MYH14: variants seen among roughly 807,000 people sequenced by gnomAD.
MYH14 encodes myosin heavy chain 14.
Under a neutral mutation model 255.5 loss-of-function variants are expected in MYH14, and 123 were observed. The observed-to-expected ratio is 0.48, with a 90% CI of 0.42 to 0.56. The LOEUF (loss-of-function observed/expected upper bound fraction) is 0.56. MYH14 is among the 20% of genes least tolerant of loss of function. The probability of loss-of-function intolerance (pLI) is 0.00; values close to 1 mark genes in which losing one functional copy is unlikely to be tolerated. For synonymous variants in MYH14, 1,095 were observed against 1,161.2 expected (o/e 0.94, Z 1.16); for missense variants, 2,423 against 2,802.3 (o/e 0.86, Z 3.06).
At chr19:50,290,862 C>T (rs760135485) in intron 35 of MYH14, 25 bp from the exon 36 acceptor site, 21 of 1,546,898 alleles carry the variant, frequency 1.4e-5, no homozygotes, top group African/African-American at 5.5e-5. Flanking sequence ...GTGTCTGACC[C>T]GGTCCCTCCT....
chr19:50,234,894 C>A (rs2123250825), intron 10 of MYH14, among the ~76,000 whole-genome samples: 1 of 152,328 alleles, frequency 6.6e-6, no homozygotes, highest in South Asian at 2.1e-4. Context: ...CCTTCCCACT[C>A]TTCCCTGGCC....
At chr19:50,284,209 T>C (rs1247397621) in intron 33 of MYH14, among the ~76,000 whole-genome samples, 1 of 152,230 alleles carries the variant, frequency 6.6e-6, no homozygotes, top group Non-Finnish European at 1.5e-5. Flanking sequence ...TTCCATTCTG[T>C]TAGAGTCTTT....
At chr19:50,260,948 T>C (rs2034826652) in intron 20 of MYH14, among the ~76,000 whole-genome samples, 2 of 149,272 alleles carry the variant, frequency 1.3e-5, no homozygotes, top group Admixed American at 6.7e-5. Context: ...GGGGCTGGGA[T>C]CTCCCCTTCA....
rs768400496 is a variant in MYH14 at position 50,309,028 on chromosome 19, C to T, written c.5811C>T (p.Val1937=). ...AGCTGGAGAAGGGAAACCTTCGAGTCAAGCAGCTGAAGCGGCAGCTGGAGG... is the reference window on the plus strand; with the variant it reads ...AGCTGGAGAAGGGAAACCTTCGAGTTAAGCAGCTGAAGCGGCAGCTGGAGG... ...RDQLEKGNLR[V]KQLKRQLEEA... The change falls in exon 42 of 43, where the codon GTC becomes GTT. Residue 1937 remains valine (V), a synonymous_variant. Coordinates refer to ENST00000642316, the MANE Select transcript of MYH14 (RefSeq NM_001145809.2). 6.2e-7 allele frequency: 1 copy of T among 1,613,014 alleles called. No individual in the cohort carries two copies.
rs371766484 is a variant in MYH14 at position 50,225,597 on chromosome 19, C to T, written c.730C>T (p.Arg244Trp). The T allele has an allele frequency of 9.3e-6, 15 of 1,612,182 alleles. No individual in the cohort carries two copies. Among genetic ancestry groups the T allele is most frequent in the South Asian group, 3.3e-5 (3 of 90,932 alleles). The change falls in exon 7 of 43, where the codon CGG (arginine) becomes TGG (tryptophan). Residue 244 changes from arginine (R) to tryptophan (W), a missense_variant. Coordinates refer to ENST00000642316, the MANE Select transcript of MYH14 (RefSeq NM_001145809.2). ...CTGTGCCCGGCAGGGTGAGCTGGAG[C>T]GGCAGCTGCTTCAGGCCAACCCCAT... ...VSTVSYGELE[R>W]QLLQANPILE... is the part of the protein sequence containing the mutation.
intron 9 of MYH14, 113 bp from the exon 10 acceptor site, chr19:50,231,817 C>A: frequency 6.9e-7 from 1 of 1,443,966 alleles, no homozygotes; most frequent in East Asian, 2.3e-5. Flanking sequence ...TAAAGGCCCC[C>A]ACCCACTTGA....
intron 8 of MYH14, among the ~76,000 whole-genome samples, chr19:50,227,498 G>A (rs1217400469): frequency 2.0e-5 from 3 of 151,902 alleles, no homozygotes; most frequent in Non-Finnish European, 2.9e-5. Flanking sequence ...CCACACTCCC[G>A]GGAGGAAAGC....
At chr19:50,253,193 G>A (rs1600947503) in intron 16 of MYH14, among the ~76,000 whole-genome samples, 1 of 152,186 alleles carries the variant, frequency 6.6e-6, no homozygotes, top group Non-Finnish European at 1.5e-5. Context: ...TGTAATCCCA[G>A]CACTTTTGGG....
At chr19:50,213,324 A>G (rs748169339) in intron 2 of MYH14, among the ~76,000 whole-genome samples, 1 of 152,166 alleles carries the variant, frequency 6.6e-6, no homozygotes, top group Non-Finnish European at 1.5e-5. Flanking sequence ...CCCGCTCTGC[A>G]GGTGGGGAAG....
chr19:50,298,130 C>A (rs866974464), intron 39 of MYH14, among the ~76,000 whole-genome samples: 1 of 152,040 alleles, frequency 6.6e-6, no homozygotes, highest in African/African-American at 2.4e-5. Context: ...TTAACAACCA[C>A]GTAGAAATGT....
Position 50,257,432 on chromosome 19 carries a change from C to T in MYH14, c.2178C>T (p.Leu726=). 1 of 1,608,328 alleles carries T rather than the reference C, an allele frequency of 6.2e-7. No homozygotes were observed. Among genetic ancestry groups the T allele is most frequent in the South Asian group, 1.1e-5 (1 of 89,818 alleles). ...KESLSRLMAT[L]SNTNPSFVRC... is the part of the protein sequence containing the mutation. ...CCCTGAGCCGCCTCATGGCCACACT[C>T]AGCAACACCAACCCCAGTTTTGTCC... The change falls in exon 18 of 43, where the codon CTC becomes CTT. Residue 726 remains leucine, a synonymous_variant. Transcript: ENST00000642316.
chr19:50,281,464 G>A (rs1392801964), intron 32 of MYH14, 130 bp from the exon 33 acceptor site: 6 of 1,343,298 alleles, frequency 4.5e-6, no homozygotes, highest in Non-Finnish European at 6.0e-6. Context: ...AGAGGCAGAA[G>A]AGCCCAGCAG....
At chr19:50,290,403 G>T (rs1325108673) in intron 35 of MYH14, among the ~76,000 whole-genome samples, 1 of 152,220 alleles carries the variant, frequency 6.6e-6, no homozygotes, top group African/African-American at 2.4e-5. Context: ...GGTGGTGAGG[G>T]GCAGGGGCAG....
intron 3 of MYH14, 120 bp from the exon 4 acceptor site, chr19:50,222,963 C>G: frequency 1.0e-6 from 1 of 1,002,770 alleles, no homozygotes; most frequent in Non-Finnish European, 1.6e-6. Context: ...CACATCAAGA[C>G]CCAAGCTTTT....
At chr19:50,256,161 C>A (rs2034584906) in intron 17 of MYH14, among the ~76,000 whole-genome samples, 1 of 151,926 alleles carries the variant, frequency 6.6e-6, no homozygotes, top group African/African-American at 2.4e-5. Context: ...CGCCTGTAGT[C>A]CAAACTACTT....
At chr19:50,238,886 A>G (rs144442138) in intron 10 of MYH14, among the ~76,000 whole-genome samples, 251 of 152,274 alleles carry the variant, frequency 1.6e-3, no homozygotes, top group Middle Eastern at 6.8e-3. Context: ...AAACATCAGC[A>G]TGTATTTCCT....
intron 3 of MYH14, 25 bp from the exon 4 acceptor site, chr19:50,223,058 T>G: frequency 6.2e-7 from 1 of 1,610,096 alleles, no homozygotes; most frequent in Non-Finnish European, 8.5e-7. Context: ...TCAGATGACA[T>G]ATTCCCCCAC....
chr19:50,206,288 A>G (rs1343806229), intron 1 of MYH14, among the ~76,000 whole-genome samples: 1 of 151,616 alleles, frequency 6.6e-6, no homozygotes, highest in Non-Finnish European at 1.5e-5. Flanking sequence ...AGCCTGGGGA[A>G]GGAAAGGGCT....
chr19:50,269,177 T>C (rs1390494057), intron 24 of MYH14, among the ~76,000 whole-genome samples: 1 of 152,142 alleles, frequency 6.6e-6, no homozygotes, highest in Non-Finnish European at 1.5e-5. Flanking sequence ...GTAATGTTTT[T>C]TTGTTTTTTG....
Sources: gnomAD v4.1 joint callset for allele counts (sites outside exome capture counted in the v4.1 genomes callset) on GRCh38, gnomAD v4.1.1 for gene constraint, MANE v1.5 for transcripts, NCBI Gene and HGNC (gene_info 2026-07-23, HGNC 2026-07-21) for gene names.